The following STT3B variants were observed in gnomAD, a reference collection of about 807,000 sequenced individuals.
The protein encoded by STT3B is dolichyl-diphosphooligosaccharide--protein glycosyltransferase subunit STT3B.
In STT3B, 29 loss-of-function variants were observed where a neutral mutation model predicts 96.8. The ratio of observed to expected loss-of-function variants is 0.30; its 90% CI spans 0.22 to 0.41. The LOEUF is 0.41. STT3B is among the 10% of genes least tolerant of loss of function. The pLI, the probability that STT3B is intolerant of heterozygous loss-of-function variation, is 1.00. For missense variants in STT3B, 640 were observed against 1,022.3 expected, an observed-to-expected ratio of 0.63 and a Z score of 5.10; for synonymous variants, 367 against 360.0, an observed-to-expected ratio of 1.02 and a Z score of -0.22.
chr3:31,624,113 C>G (rs760659000), intron 11 of STT3B, among the ~76,000 whole-genome samples: 51 of 152,016 alleles, frequency 3.4e-4, no homozygotes, highest in Non-Finnish European at 6.8e-4. Context: ...AACTATTTAT[C>G]CTTTCAGTTA....
intron 1 of STT3B, among the ~76,000 whole-genome samples, chr3:31,548,288 C>T (rs1251884802): frequency 6.6e-6 from 1 of 151,932 alleles, no homozygotes; most frequent in East Asian, 1.9e-4. Flanking sequence ...AAAGATTTCA[C>T]CAGGTTGAGC....
At chr3:31,592,346 T>C (rs1222412524) in intron 3 of STT3B, among the ~76,000 whole-genome samples, 1 of 152,224 alleles carries the variant, frequency 6.6e-6, no homozygotes, top group Non-Finnish European at 1.5e-5. Context: ...ATATTTGGCT[T>C]ATTGATTCAT....
Position 31,633,150 on chromosome 3 carries a change from G to A in STT3B, c.2400+3G>A, listed in dbSNP as rs763403228. 9.9e-6 allele frequency: 16 copies of A among 1,612,856 alleles called. No homozygotes were observed. The South Asian group carries it at 1.8e-4, about 18-fold the overall frequency. ...AACAGAAGTATTTGTCAAAGAAGGTGGGTGCCAAGTGAAGGCATTAAAGGG... is the reference window on the plus strand; with the variant it reads ...AACAGAAGTATTTGTCAAAGAAGGTAGGTGCCAAGTGAAGGCATTAAAGGG... On this transcript the variant is annotated splice_donor_region_variant and intron_variant, in intron 15 of 15. Transcript: ENST00000295770.
chr3:31,580,063 T>C lies in STT3B; in HGVS notation c.678T>C (p.Ala226=). 6.2e-7 allele frequency: 1 copy of C among 1,613,610 alleles called. No homozygotes were observed. Among genetic ancestry groups the C allele is most frequent in the East Asian group, 2.2e-5 (1 of 44,860 alleles). ...GATCCTTTGATAATGAAGGCATTGC[T>C]ATTTTTGCACTTCAGTTCACATACT... ...VAGSFDNEGI[A]IFALQFTYYL... The change falls in exon 3 of 16, where the codon GCT becomes GCC. Residue 226 remains alanine (A), a synonymous_variant. Transcript: ENST00000295770.
intron 1 of STT3B, 84 bp downstream of exon 1, chr3:31,533,396 T>G (rs1270180708): frequency 7.5e-7 from 1 of 1,325,028 alleles, no homozygotes. Flanking sequence ...TCTCCTCGAC[T>G]TGGCCCCGCG....
At chr3:31,608,031 A>G (rs1699094442) in intron 5 of STT3B, among the ~76,000 whole-genome samples, 2 of 152,234 alleles carry the variant, frequency 1.3e-5, no homozygotes, top group African/African-American at 4.8e-5. Flanking sequence ...ATTGAAAACA[A>G]TAAGAGGCTG....
chr3:31,583,195 A>G (rs992062273), intron 3 of STT3B, among the ~76,000 whole-genome samples: 2 of 151,916 alleles, frequency 1.3e-5, no homozygotes, highest in African/African-American at 4.8e-5. Context: ...TTCTTCCTAT[A>G]TTTTGATGGT....
chr3:31,542,739 A>G (rs1697310486), intron 1 of STT3B, among the ~76,000 whole-genome samples: 1 of 152,168 alleles, frequency 6.6e-6, no homozygotes, highest in Non-Finnish European at 1.5e-5. Context: ...AATTCCTCAA[A>G]TGGAGATTCT....
At chr3:31,537,709 T>G (rs1039566233) in intron 1 of STT3B, among the ~76,000 whole-genome samples, 2 of 152,180 alleles carry the variant, frequency 1.3e-5, no homozygotes, top group African/African-American at 4.8e-5. Context: ...CAACATTGGT[T>G]ATAAACATTA....
intron 1 of STT3B, among the ~76,000 whole-genome samples, chr3:31,534,929 G>A (rs1367544425): frequency 6.6e-6 from 1 of 152,174 alleles, no homozygotes; most frequent in African/African-American, 2.4e-5. Context: ...TTATTAGGTG[G>A]TCTTGTTTTG....
intron 1 of STT3B, among the ~76,000 whole-genome samples, chr3:31,563,630 G>C (rs1421346058): frequency 6.6e-6 from 1 of 152,192 alleles, no homozygotes; most frequent in Non-Finnish European, 1.5e-5. Context: ...CAAGGAATTA[G>C]GGCCCTGCAA....
At chr3:31,585,017 A>G (rs563704863) in intron 3 of STT3B, among the ~76,000 whole-genome samples, 2 of 152,286 alleles carry the variant, frequency 1.3e-5, no homozygotes, top group East Asian at 3.9e-4. Context: ...AATCTCTAAT[A>G]TATAAATGTT....
intron 1 of STT3B, among the ~76,000 whole-genome samples, chr3:31,546,003 T>G (rs1697403698): frequency 6.6e-6 from 1 of 152,206 alleles, no homozygotes; most frequent in Non-Finnish European, 1.5e-5. Flanking sequence ...TATCCTCCTC[T>G]TTGACTTTCA....
At chr3:31,593,058 C>T (rs1698700797) in intron 3 of STT3B, among the ~76,000 whole-genome samples, 2 of 152,052 alleles carry the variant, frequency 1.3e-5, no homozygotes, top group Admixed American at 1.3e-4. Context: ...TGATTCTGCC[C>T]GTGCAATTAT....
chr3:31,613,986 C>G (rs2125471169), intron 5 of STT3B, among the ~76,000 whole-genome samples: 1 of 151,990 alleles, frequency 6.6e-6, no homozygotes, highest in African/African-American at 2.4e-5. Flanking sequence ...TACTGTCTTC[C>G]TAACACTGTG....
At chr3:31,625,609 A>G (rs1699518939) in intron 12 of STT3B, among the ~76,000 whole-genome samples, 1 of 152,184 alleles carries the variant, frequency 6.6e-6, no homozygotes, top group African/African-American at 2.4e-5. Flanking sequence ...GGGGAGAAGA[A>G]ATGTATGTGC....
intron 1 of STT3B, among the ~76,000 whole-genome samples, chr3:31,540,824 A>G (rs956779253): frequency 2.6e-5 from 4 of 152,168 alleles, no homozygotes; most frequent in African/African-American, 9.7e-5. Flanking sequence ...TTGCTGACCA[A>G]ATTTATCTTT....
At chr3:31,562,221 A>G (rs1346471124) in intron 1 of STT3B, among the ~76,000 whole-genome samples, 2 of 152,084 alleles carry the variant, frequency 1.3e-5, no homozygotes, top group Non-Finnish European at 2.9e-5. Flanking sequence ...TTGCAGTAGC[A>G]GCGGTGGACA....
At chr3:31,598,498 A>G (rs1034264546) in intron 4 of STT3B, among the ~76,000 whole-genome samples, 5 of 152,194 alleles carry the variant, frequency 3.3e-5, no homozygotes, top group Non-Finnish European at 7.3e-5. Context: ...CTGTAGAAAG[A>G]CTGTTCTTCT....
Sources: allele counts gnomAD v4.1 joint callset (sites outside exome capture counted in the v4.1 genomes callset), GRCh38; gene constraint gnomAD v4.1.1; transcripts MANE v1.5; gene names NCBI Gene and HGNC (gene_info 2026-07-23, HGNC 2026-07-21).